INTS11: variants seen among roughly 807,000 people sequenced by gnomAD.
INTS11 encodes integrator complex subunit 11.
Under a neutral mutation model 78.6 loss-of-function variants are expected in INTS11, and 77 were observed. The ratio of observed to expected loss-of-function variants is 0.98; its 90% confidence interval spans 0.81 to 1.18. The LOEUF (loss-of-function observed/expected upper bound fraction) is 1.18. Among genes scored for constraint, INTS11 ranks in the 50% most tolerant of loss-of-function variants. The pLI is 0.00. For synonymous variants in INTS11, 441 were observed against 326.9 expected (o/e 1.35, Z -3.77); for missense variants, 875 against 825.9 (o/e 1.06, Z -0.73).
In INTS11 at chr1:1,315,277, C is replaced by T. The variant is rs540960113; in HGVS notation, c.563+127G>A. On this transcript the variant is annotated intron_variant, in intron 6 of 16. Transcript: ENST00000435064. ...ATTTGGGCCCAGAACGAAGGGGGCT[C>T]TCCAGGCCGCACAGGACATGGGAGA... The T allele has an allele frequency of 1.2e-5, 14 of 1,203,072 alleles. No homozygotes were observed. In the South Asian group the frequency reaches 1.3e-4, roughly 11 times the overall value. 74.5% of individuals were successfully genotyped at this position (1,203,072 alleles called of 1,614,324 possible).
Position 1,312,213 on chromosome 1 carries a change from G to GGGGGGGGGGGGGGCCCCCCCCCCCCCCCC in INTS11, c.1607+12_1607+13insGGGGGGGGGGGGGGGGCCCCCCCCCCCCC. The GGGGGGGGGGGGGGCCCCCCCCCCCCCCCC allele has an allele frequency of 1.1e-6, 1 of 934,616 alleles. No homozygotes were observed. Among genetic ancestry groups the GGGGGGGGGGGGGGCCCCCCCCCCCCCCCC allele is most frequent in the Non-Finnish European group, 1.6e-6 (1 of 636,664 alleles). 57.9% of individuals were successfully genotyped at this position (934,616 alleles called of 1,614,324 possible). A position where few individuals can be genotyped will look rare whatever the true frequency, so the allele number is the denominator to read the frequency against. On this transcript the variant is annotated intron_variant, in intron 15 of 16. Coordinates refer to ENST00000435064, the MANE Select transcript of INTS11 (RefSeq NM_017871.6). Reference sequence around the variant, plus strand: ...CCCAAGGGAGTGGGGGGGGGGCGGGGCCGGGCGCCCACCTCTTGAGGTGGC... The same window carrying GGGGGGGGGGGGGGCCCCCCCCCCCCCCCC: ...CCCAAGGGAGTGGGGGGGGGGCGGGGGGGGGGGGGGGGGCCCCCCCCCCCCCCCCCCGGGCGCCCACCTCTTGAGGTGGC...
intron 1 of INTS11, among the ~76,000 whole-genome samples, chr1:1,323,635 TC>T (rs1398358263): frequency 6.6e-6 from 1 of 151,358 alleles, no homozygotes; most frequent in African/African-American, 2.4e-5. Flanking sequence ...GGTCTTGAAC[TC>T]CTGGGCTCAA....
chr1:1,324,557 G>A, intron 1 of INTS11, 24 bp downstream of exon 1: 1 of 1,589,538 alleles, frequency 6.3e-7, no homozygotes, highest in Admixed American at 1.7e-5. Context: ...CCACCCCACA[G>A]CCCTCCCGGC....
At position 1,312,305 on chromosome 1, in the gene INTS11, G is replaced by A; in HGVS notation, c.1528C>T (p.Arg510Cys). Reference sequence around the variant, plus strand: ...TGCAGGTGCACGCGGCAGGTGAAGCGCAGCTGGTGCTCAGCCAGACCCAGC... The same window carrying A: ...TGCAGGTGCACGCGGCAGGTGAAGCACAGCTGGTGCTCAGCCAGACCCAGC... ...KELGLAEHQL[R>C]FTCRVHLHDT... Residue 510 changes from arginine (R) to cysteine (C), a missense_variant, in exon 15 of 17, where the codon CGC (arginine) becomes TGC (cysteine). Transcript: ENST00000435064. 4 of 1,551,180 alleles carry A rather than the reference G, an allele frequency of 2.6e-6. No individual in the cohort carries two copies. The highest frequency in any genetic ancestry group is 2.6e-6 in the Non-Finnish European group (3 of 1,147,366).
At chr1:1,318,996 G>A in intron 4 of INTS11, 1 of 717,326 alleles carries the variant, frequency 1.4e-6, no homozygotes, top group Non-Finnish European at 2.6e-6. Flanking sequence ...GCGCTCTGAG[G>A]GCACCAGCCT....
Position 1,314,852 on chromosome 1 carries a change from A to G in INTS11, c.674T>C (p.Val225Ala), listed in dbSNP as rs925712683. Reference protein sequence around the residue: ...RCRERDFLKKVHETVERGGKV... With the variant: ...RCRERDFLKKAHETVERGGKV... ...CCCACCACGCTCCACGGTCTCGTGGACTTTCTTCAGGAAGTCTCGCTCCCG... is the reference window on the plus strand; with the variant it reads ...CCCACCACGCTCCACGGTCTCGTGGGCTTTCTTCAGGAAGTCTCGCTCCCG... Residue 225 changes from valine to alanine, a missense_variant, in exon 7 of 17, where the codon GTC becomes GCC. Coordinates refer to ENST00000435064, the MANE Select transcript of INTS11 (RefSeq NM_017871.6). The surrounding 1 kb of genome is among the most constrained non-coding windows in gnomAD (Gnocchi z 4.2). The G allele has an allele frequency of 6.2e-7, 1 of 1,612,552 alleles. No individual in the cohort carries two copies. The highest frequency in any genetic ancestry group is 8.5e-7 in the Non-Finnish European group (1 of 1,179,744).
Position 1,323,236 on chromosome 1 carries a change from G to A in INTS11, c.28+1345C>T, listed in dbSNP as rs771461428. On this transcript the variant is annotated intron_variant, in intron 1 of 16. Transcript: ENST00000435064. ...GGTGTCTGTGCTGGAAGGTGCCCTC[G>A]ACCCCCTGCCCGGTGGAAGGACCAG... 37 of 1,550,064 alleles carry A rather than the reference G, an allele frequency of 2.4e-5. No individual in the cohort carries two copies. The South Asian group carries it at 3.0e-4, about 12-fold the overall frequency.
Position 1,313,070 on chromosome 1 carries a change from C to T in INTS11, c.1096G>A (p.Gly366Arg). The T allele has an allele frequency of 1.9e-6, 3 of 1,610,200 alleles. No homozygotes were observed. The highest frequency in any genetic ancestry group is 1.3e-5 in the African/African-American group (1 of 75,064). The change falls in exon 11 of 17, where the codon GGG becomes AGG. Residue 366 changes from glycine (G) to arginine (R), a missense_variant. By Grantham distance (125) the Gly-to-Arg change is moderately radical. Transcript: ENST00000435064. The stretch of plus-strand genomic sequence containing the variant: ...CCCTCCATCTCGAGCTTCCGCTGCC[C>T]GCTGAGGATCTTGTGGCCGACGGTG... The part of the protein sequence containing the change: ...QGTVGHKILS[G>R]QRKLEMEGRQ...
rs114091942 is a variant in INTS11, at chr1:1,320,230, C to T, written c.200+226G>A. On this transcript the variant is annotated intron_variant, in intron 3 of 16. Coordinates refer to ENST00000435064, the MANE Select transcript of INTS11 (RefSeq NM_017871.6). ...TCAGAGAGGGTGAAGCCTGGAGGGC[C>T]GGGTTCAGAAAGTAGGGTTCAGAGG... 753 of 543,944 alleles carry T rather than the reference C, an allele frequency of 1.4e-3. 3 individuals are homozygous for T. Among genetic ancestry groups the T allele is most frequent in the African/African-American group, 0.012 (647 of 52,608 alleles). The allele number at this position is 543,944 out of a possible 1,614,324, so 33.7% of individuals were successfully genotyped here. A position where few individuals can be genotyped will look rare whatever the true frequency, so the allele number is the denominator to read the frequency against.
At chr1:1,321,204 G>A (rs1468434465) in intron 1 of INTS11, 111 bp from the exon 2 acceptor site, 10 of 794,558 alleles carry the variant, frequency 1.3e-5, no homozygotes, top group Non-Finnish European at 1.7e-5. Flanking sequence ...AGTCTGCTGT[G>A]TGGACAGACA....
At position 1,319,398 on chromosome 1, in the gene INTS11, C is replaced by T. The variant is rs771586901; in HGVS notation, c.327G>A (p.Lys109=). 6.2e-7 allele frequency: 1 copy of T among 1,613,384 alleles called. No individual in the cohort carries two copies. Among genetic ancestry groups the T allele is most frequent in the Non-Finnish European group, 8.5e-7 (1 of 1,179,994 alleles). Residue 109 remains lysine, a synonymous_variant, in exon 4 of 17, where the codon AAG becomes AAA. Coordinates refer to ENST00000435064, the MANE Select transcript of INTS11 (RefSeq NM_017871.6). The part of the protein sequence containing the change: ...ICPILLEDYR[K]IAVDKKGEAN... ...CCTCGCCCTTCTTGTCTACGGCGAT[C>T]TTGCGGTAGTCCTCCAGCAAGATGG... is the stretch of plus-strand genomic sequence containing the variant.
At chr1:1,324,497 G>T in intron 1 of INTS11, 84 bp downstream of exon 1, 1 of 1,415,424 alleles carries the variant, frequency 7.1e-7, no homozygotes, top group Middle Eastern at 2.1e-4. Flanking sequence ...GGCTCCACGA[G>T]AAACGGGAGG....
chr1:1,315,470 G>A lies in INTS11; in HGVS notation c.529-32C>T, dbSNP rs566286636. The A allele has an allele frequency of 1.4e-5, 23 of 1,612,788 alleles. No individual in the cohort carries two copies. The South Asian group carries it at 2.3e-4, about 16-fold the overall frequency. ...AACGATCAAGGATGCCATGAGGAGG[G>A]TGCCTCCCACCCCAGCAGCCCCTCC... is the stretch of plus-strand genomic sequence containing the variant. On this transcript the variant is annotated intron_variant, in intron 5 of 16. Transcript: ENST00000435064.
In INTS11 at chr1:1,312,125, G is replaced by A. The variant is rs1309973767; in HGVS notation, c.1630C>T (p.Gln544Ter). 1 of 1,566,568 alleles carries A rather than the reference G, an allele frequency of 6.4e-7. No homozygotes were observed. Among genetic ancestry groups the A allele is most frequent in the Non-Finnish European group, 8.7e-7 (1 of 1,154,294 alleles). ...LKSVLKDHCV[Q>*]HLPDGSVTVE... ...GTCACAGAGCCGTCTGGGAGGTGCT[G>A]CACACAGTGGTCCTTCAGGACGCTG... is the stretch of plus-strand genomic sequence containing the variant. Residue 544 changes from glutamine (Q) to a stop codon, truncating the protein, a stop_gained, in exon 16 of 17, where the codon CAG (glutamine) becomes TAG (stop). Coordinates refer to ENST00000435064, the MANE Select transcript of INTS11 (RefSeq NM_017871.6). LOFTEE classifies it high-confidence loss of function.
intron 1 of INTS11, among the ~76,000 whole-genome samples, chr1:1,322,194 T>G (rs1040726409): frequency 6.6e-5 from 10 of 151,874 alleles, no homozygotes; most frequent in African/African-American, 2.2e-4. Flanking sequence ...GAGGCACTTG[T>G]GGCACACGGC....
intron 1 of INTS11, among the ~76,000 whole-genome samples, chr1:1,322,591 G>C (rs1178524177): frequency 9.2e-6 from 1 of 108,886 alleles, no homozygotes; most frequent in Non-Finnish European, 2.0e-5. Flanking sequence ...GGAAGGGATG[G>C]TCCAGGGGAG....
chr1:1,312,833 C>T lies in INTS11; in HGVS notation c.1248G>A (p.Glu416=). 1.9e-6 allele frequency: 3 copies of T among 1,611,674 alleles called. No homozygotes were observed. Among genetic ancestry groups the T allele is most frequent in the Non-Finnish European group, 2.5e-6 (3 of 1,179,740 alleles). Residue 416 remains glutamate, a synonymous_variant, in exon 12 of 17, where the codon GAG becomes GAA. Transcript: ENST00000435064. ...GCTTCAGGAACTCCATCTTCTTGGC[C>T]TCGCCATGCACCAGCAGCACGCTCT... ...EPESVLLVHG[E]AKKMEFLKQK...
chr1:1,320,264 G>A (rs954825114), intron 3 of INTS11, 192 bp downstream of exon 3: 6 of 604,492 alleles, frequency 9.9e-6, no homozygotes, highest in Non-Finnish European at 1.8e-5. Flanking sequence ...GGGCAGGGCC[G>A]GAAGAACAGA....
intron 4 of INTS11, chr1:1,316,840 C>A (rs1266216130): frequency 3.9e-5 from 6 of 151,912 alleles, no homozygotes; most frequent in African/African-American, 1.2e-4. Context: ...AGGAGAACTG[C>A]TTGAACCCGG....
Sources: allele counts gnomAD v4.1 joint callset (sites outside exome capture counted in the v4.1 genomes callset), GRCh38; gene constraint gnomAD v4.1.1; non-coding constraint Gnocchi (gnomAD v3.1); transcripts MANE v1.5; gene names NCBI Gene and HGNC (gene_info 2026-07-23, HGNC 2026-07-21).